The following RALB variants were observed in gnomAD, a reference collection of about 807,000 sequenced individuals.
The protein encoded by RALB is RAS like proto-oncogene B.
RALB carries 16 observed loss-of-function variants against 21.3 expected under a neutral mutation model. The ratio of observed to expected loss-of-function variants is 0.75; its 90% CI spans 0.51 to 1.14. The LOEUF is 1.14. RALB is among the 50% of genes most tolerant of loss of function. The pLI is 0.00. For synonymous variants in RALB, 93 were observed against 96.1 expected (o/e 0.97, Z 0.19); for missense variants, 161 against 256.2 (o/e 0.63, Z 2.54).
At position 120,294,381 on chromosome 2, in the gene RALB, A is replaced by G. The variant is rs767803840; in HGVS notation, c.*1121A>G. 21 of 398,264 alleles carry G rather than the reference A, an allele frequency of 5.3e-5. No individual in the cohort carries two copies. Among genetic ancestry groups the G allele is most frequent in the Non-Finnish European group, 8.8e-5 (20 of 225,998 alleles). 24.7% of individuals were successfully genotyped at this position (398,264 alleles called of 1,614,324 possible). A position where few individuals can be genotyped will look rare whatever the true frequency, so the allele number is the denominator to read the frequency against. On this transcript the variant is annotated 3_prime_UTR_variant, in exon 5 of 5. Coordinates refer to ENST00000272519, the MANE Select transcript of RALB (RefSeq NM_002881.3). ...CTGTTTCTAATATAATTATTTTCTA[A>G]GATAGCCAGATAGTTAGAAAAAGAT...
chr2:120,251,975 G>T (rs1004424573), upstream of RALB, among the ~76,000 whole-genome samples: 4 of 152,160 alleles, frequency 2.6e-5, no homozygotes, highest in Admixed American at 6.5e-5. Context: ...AACAATGAAA[G>T]AATTAATTAC....
upstream of RALB, chr2:120,252,844 G>A: frequency 4.1e-6 from 4 of 985,664 alleles, no homozygotes; most frequent in Non-Finnish European, 3.6e-6. Flanking sequence ...GGCGCGCTCG[G>A]GGGGTGGGAA....
rs759265941 is a variant in RALB, at chr2:120,291,372, T to C, written c.501+1615T>C. Among the ~76,000 whole-genome samples the C allele has an allele frequency of 2.4e-4, 37 of 152,206 alleles. 1 individual carries two copies. Among genetic ancestry groups the C allele is most frequent in the Non-Finnish European group, 5.0e-4 (34 of 68,046 alleles). The stretch of plus-strand genomic sequence containing the variant: ...TATATTATTGTGCTACTTAAAATAT[T>C]TTTATTAAATTATTTTCCAGCTGTG... On this transcript the variant is annotated intron_variant, in intron 4 of 4. Transcript: ENST00000272519.
chr2:120,277,534 AGTT>A (rs993253478), intron 1 of RALB, among the ~76,000 whole-genome samples: 29 of 147,454 alleles, frequency 2.0e-4, no homozygotes, highest in African/African-American at 3.8e-4. Flanking sequence ...GTGAGTGTGT[AGTT>A]GTGTGTGTGT....
chr2:120,280,181 A>T (rs751292222), intron 2 of RALB, among the ~76,000 whole-genome samples: 9 of 152,228 alleles, frequency 5.9e-5, no homozygotes, highest in African/African-American at 2.2e-4. Context: ...AGTGAAGCTC[A>T]ATAGAGGTTT....
chr2:120,255,649 T>C (rs1421160967), intron 1 of RALB, among the ~76,000 whole-genome samples: 1 of 152,160 alleles, frequency 6.6e-6, no homozygotes, highest in African/African-American at 2.4e-5. Context: ...TGGAAGTGAG[T>C]GTCAAAGAGG....
At chr2:120,266,256 A>G (rs1256190909) in intron 1 of RALB, among the ~76,000 whole-genome samples, 2 of 152,042 alleles carry the variant, frequency 1.3e-5, no homozygotes, top group African/African-American at 4.8e-5. Context: ...TTTTTATTTT[A>G]TTTTTTGAGA....
intron 1 of RALB, among the ~76,000 whole-genome samples, chr2:120,242,715 G>A (rs1254312210): frequency 1.3e-5 from 2 of 152,128 alleles, no homozygotes; most frequent in East Asian, 1.9e-4. Flanking sequence ...TCCAGCCTGG[G>A]CGACAGAGCA....
intron 3 of RALB, among the ~76,000 whole-genome samples, chr2:120,288,354 G>GTT (rs398042633): frequency 2.3e-5 from 3 of 128,920 alleles, no homozygotes; most frequent in Non-Finnish European, 3.2e-5. Flanking sequence ...TTTTTTTTTT[G>GTT]TTTTTTTTTT....
At chr2:120,248,238 G>C (rs1689001960), upstream of RALB, among the ~76,000 whole-genome samples, 2 of 152,050 alleles carry the variant, frequency 1.3e-5, no homozygotes, top group South Asian at 4.2e-4. Context: ...ATGCCCCCAG[G>C]GATGCCCACA....
At chr2:120,276,672 G>T (rs1689804076) in intron 1 of RALB, among the ~76,000 whole-genome samples, 1 of 152,016 alleles carries the variant, frequency 6.6e-6, no homozygotes, top group Admixed American at 6.6e-5. Context: ...TGCCTAAATG[G>T]TCTCTTTCTA....
chr2:120,248,394 T>C (rs1203897638), upstream of RALB, among the ~76,000 whole-genome samples: 1 of 152,206 alleles, frequency 6.6e-6, no homozygotes, highest in Non-Finnish European at 1.5e-5. Context: ...CCCATGTCCC[T>C]GGTGTCAAAG....
rs139900244 is a variant in RALB, at chr2:120,292,704, G to A, written c.502-437G>A. On this transcript the variant is annotated intron_variant, in intron 4 of 4. Coordinates refer to ENST00000272519, the MANE Select transcript of RALB (RefSeq NM_002881.3). Reference sequence around the variant, plus strand: ...GTGCAGTGGCTGACGCCTGTAATCCGAGCACTTGGAAGGCTGAGGTGGGCA... The same window carrying A: ...GTGCAGTGGCTGACGCCTGTAATCCAAGCACTTGGAAGGCTGAGGTGGGCA... Among the ~76,000 whole-genome samples, 12 of 152,124 alleles carry A rather than the reference G, an allele frequency of 7.9e-5. No homozygotes were observed. The South Asian group carries it at 8.3e-4, about 11-fold the overall frequency.
chr2:120,254,980 A>T (rs1399740489), intron 1 of RALB, among the ~76,000 whole-genome samples: 3 of 152,210 alleles, frequency 2.0e-5, no homozygotes, highest in Middle Eastern at 3.2e-3. Flanking sequence ...TCTGGCAGGG[A>T]TAATTCTTTC....
chr2:120,240,105 G>T (rs1688867059), exon 1 of RALB: 2 of 1,289,716 alleles, frequency 1.6e-6, no homozygotes, highest in South Asian at 2.5e-5. Context: ...GGAGGTCTCT[G>T]CATGAAACAG....
intron 1 of RALB, among the ~76,000 whole-genome samples, chr2:120,254,299 G>GGAGAC (rs1689141199): frequency 6.6e-6 from 1 of 152,172 alleles, no homozygotes; most frequent in African/African-American, 2.4e-5. Flanking sequence ...AGAAGGCCAG[G>GGAGAC]GAGACATATC....
chr2:120,253,661 G>C, intron 1 of RALB: 1 of 985,514 alleles, frequency 1.0e-6, no homozygotes, highest in Non-Finnish European at 1.2e-6. Context: ...CGTCCACACT[G>C]CTTGTGTGAG....
chr2:120,252,561 G>A (rs979227806), upstream of RALB, among the ~76,000 whole-genome samples: 7 of 152,224 alleles, frequency 4.6e-5, no homozygotes, highest in African/African-American at 1.7e-4. Flanking sequence ...CCTCAATACC[G>A]GCGGGCAGCT....
chr2:120,267,493 C>T (rs1045797759), intron 1 of RALB, among the ~76,000 whole-genome samples: 2 of 152,146 alleles, frequency 1.3e-5, no homozygotes, highest in African/African-American at 4.8e-5. Flanking sequence ...GGAACTTGAC[C>T]AAGGAGGTCG....
Sources: allele counts gnomAD v4.1 joint callset (sites outside exome capture counted in the v4.1 genomes callset), GRCh38; gene constraint gnomAD v4.1.1; transcripts MANE v1.5; gene names NCBI Gene and HGNC (gene_info 2026-07-23, HGNC 2026-07-21).